The following UBQLN1 variants were observed in gnomAD, a reference collection of about 807,000 sequenced individuals.
The protein encoded by UBQLN1 is ubiquilin-1.
In UBQLN1, 13 loss-of-function variants were observed where a neutral mutation model predicts 65.4. The observed-to-expected ratio is 0.20, with a 90% CI of 0.13 to 0.32. UBQLN1 has a LOEUF of 0.32. Among genes scored for constraint, UBQLN1 ranks in the 10% least tolerant of loss-of-function variants. UBQLN1 has a pLI of 1.00. For synonymous variants in UBQLN1, 267 were observed against 247.8 expected (o/e 1.08, Z -0.73); for missense variants, 561 against 724.0 (o/e 0.77, Z 2.58).
At position 83,665,004 on chromosome 9, in the gene UBQLN1, T is replaced by C. The variant is rs369917856; in HGVS notation, c.1448+26A>G. Reference sequence around the variant, plus strand: ...CAGAGAAAGTAACCATTATACACTTTCATTATCTTCCCCAAATAAGCCTAC... The same window carrying C: ...CAGAGAAAGTAACCATTATACACTTCCATTATCTTCCCCAAATAAGCCTAC... On this transcript the variant is annotated intron_variant, in intron 9 of 10. Transcript: ENST00000376395. 39 of 1,517,938 alleles carry C rather than the reference T, an allele frequency of 2.6e-5. No homozygotes were observed. In the African/African-American group the frequency reaches 4.6e-4, roughly 18 times the overall value. The allele number at this position is 1,517,938 out of a possible 1,614,324, so 94.0% of individuals were successfully genotyped here.
At chr9:83,681,658 C>T (rs749266662) in intron 3 of UBQLN1, among the ~76,000 whole-genome samples, 2 of 152,198 alleles carry the variant, frequency 1.3e-5, no homozygotes, top group Non-Finnish European at 2.9e-5. Context: ...CTTGAAACCA[C>T]AAAAACTTCA....
intron 1 of UBQLN1, among the ~76,000 whole-genome samples, chr9:83,699,426 C>G (rs1832274981): frequency 6.6e-6 from 1 of 152,154 alleles, no homozygotes; most frequent in South Asian, 2.1e-4. Flanking sequence ...AGTGTAACCT[C>G]CAAACTCCTG....
intron 1 of UBQLN1, among the ~76,000 whole-genome samples, chr9:83,699,740 G>A (rs1334428044): frequency 1.3e-5 from 2 of 152,058 alleles, no homozygotes; most frequent in Non-Finnish European, 2.9e-5. Flanking sequence ...CCTAATACCA[G>A]GGTAAGCAAA....
In UBQLN1 at chr9:83,663,864, A is replaced by C. The variant is rs961178756; in HGVS notation, c.1617+11T>G. 1.2e-6 allele frequency: 2 copies of C among 1,605,822 alleles called. No individual in the cohort carries two copies. Among genetic ancestry groups the C allele is most frequent in the Non-Finnish European group, 1.7e-6 (2 of 1,177,640 alleles). Reference sequence around the variant, plus strand: ...AAGGAATACAAAACTTGAATGGAAAAGAACTGATACCTGAGGATTTACTCC... The same window carrying C: ...AAGGAATACAAAACTTGAATGGAAACGAACTGATACCTGAGGATTTACTCC... On this transcript the variant is annotated intron_variant, in intron 10 of 10. Coordinates refer to ENST00000376395, the MANE Select transcript of UBQLN1 (RefSeq NM_013438.5).
intron 1 of UBQLN1, among the ~76,000 whole-genome samples, chr9:83,689,033 G>C (rs1035510231): frequency 6.6e-6 from 1 of 152,114 alleles, no homozygotes; most frequent in African/African-American, 2.4e-5. Flanking sequence ...ATCCATTTCA[G>C]AACATTTTCA....
intron 1 of UBQLN1, among the ~76,000 whole-genome samples, chr9:83,697,366 C>A (rs1371204219): frequency 6.6e-6 from 1 of 150,450 alleles, no homozygotes; most frequent in Non-Finnish European, 1.5e-5. Context: ...GTCTGGCCAA[C>A]ATAATGAAAC....
intron 7 of UBQLN1, 92 bp from the exon 8 acceptor site, chr9:83,666,525 C>A: frequency 8.1e-7 from 1 of 1,239,498 alleles, no homozygotes; most frequent in Non-Finnish European, 1.2e-6. Flanking sequence ...AGTGCCTCAG[C>A]TGGCACTTAA....
chr9:83,667,910 ATT>A (rs10541629), intron 7 of UBQLN1: 122,191 of 980,156 alleles, frequency 0.12, 8,035 homozygotes, highest in Non-Finnish European at 0.13. Flanking sequence ...TACTAGCAAC[ATT>A]TTGTTTTAGA....
intron 4 of UBQLN1, 95 bp from the exon 5 acceptor site, chr9:83,678,694 T>C: frequency 1.6e-6 from 2 of 1,263,486 alleles, no homozygotes; most frequent in Non-Finnish European, 2.2e-6. Context: ...AAACAAAGTT[T>C]ATGGGAGGCC....
In UBQLN1 at chr9:83,707,740, G is replaced by T; in HGVS notation, c.-61C>A. 2 of 1,491,550 alleles carry T rather than the reference G, an allele frequency of 1.3e-6. No individual in the cohort carries two copies. The highest frequency in any genetic ancestry group is 1.3e-5 in the South Asian group (1 of 78,846). The allele number at this position is 1,491,550 out of a possible 1,614,324, so 92.4% of individuals were successfully genotyped here. On this transcript the variant is annotated 5_prime_UTR_variant, in exon 1 of 11. Coordinates refer to ENST00000376395, the MANE Select transcript of UBQLN1 (RefSeq NM_013438.5). ...GCAGGAGGGAGCAGGCGAGCAAGGAGGAGCCAGCAGACACCAGAGCCGGCA... is the reference window on the plus strand; with the variant it reads ...GCAGGAGGGAGCAGGCGAGCAAGGATGAGCCAGCAGACACCAGAGCCGGCA...
At chr9:83,703,757 G>A (rs1832350945) in intron 1 of UBQLN1, among the ~76,000 whole-genome samples, 1 of 152,130 alleles carries the variant, frequency 6.6e-6, no homozygotes, top group Non-Finnish European at 1.5e-5. Context: ...TTGGAAAAAA[G>A]CTTAAGCTTT....
chr9:83,668,890 G>C (rs566843944), intron 7 of UBQLN1: 1 of 274,568 alleles, frequency 3.6e-6, no homozygotes, highest in Non-Finnish European at 6.4e-6. Context: ...ATCTTCAAAA[G>C]AGTGGGCATT....
rs565653573 is a variant in UBQLN1, at chr9:83,690,735, G to A, written c.181-4580C>T. ...GTCAACAGCTTGGTCAATGGAACCAGACTCTGTCTCAAAAAAAAAAACAAG... is the reference window on the plus strand; with the variant it reads ...GTCAACAGCTTGGTCAATGGAACCAAACTCTGTCTCAAAAAAAAAAACAAG... On this transcript the variant is annotated intron_variant, in intron 1 of 10. Coordinates refer to ENST00000376395, the MANE Select transcript of UBQLN1 (RefSeq NM_013438.5). Among the ~76,000 whole-genome samples, 574 of 117,982 alleles carry A rather than the reference G, an allele frequency of 4.9e-3. 1 individual carries two copies. Among genetic ancestry groups the A allele is most frequent in the Non-Finnish European group, 8.1e-3 (443 of 54,580 alleles). 77.4% of individuals were successfully genotyped at this position (117,982 alleles called of 152,430 possible).
At chr9:83,699,603 G>T (rs192214472) in intron 1 of UBQLN1, among the ~76,000 whole-genome samples, 2 of 152,296 alleles carry the variant, frequency 1.3e-5, no homozygotes, top group Admixed American at 1.3e-4. Flanking sequence ...CCTTGGCCCC[G>T]CAAAGTGTTG....
intron 1 of UBQLN1, among the ~76,000 whole-genome samples, chr9:83,702,813 TAAGGC>T (rs1832333630): frequency 6.6e-6 from 1 of 152,210 alleles, no homozygotes; most frequent in Non-Finnish European, 1.5e-5. Flanking sequence ...ATGATGACCC[TAAGGC>T]AAGTTGCCTT....
chr9:83,662,009 T>C lies in UBQLN1; in HGVS notation c.1618-70A>G. ...TCCCTGCCACACATGACTTTTAAAA[T>C]TTTTTAATTGCTTTTTTATAACATA... On this transcript the variant is annotated intron_variant, in intron 10 of 10. Transcript: ENST00000376395. 7 of 1,455,860 alleles carry C rather than the reference T, an allele frequency of 4.8e-6. No individual in the cohort carries two copies. In the South Asian group the frequency reaches 9.1e-5, roughly 19 times the overall value. The allele number at this position is 1,455,860 out of a possible 1,614,324, so 90.2% of individuals were successfully genotyped here.
intron 1 of UBQLN1, among the ~76,000 whole-genome samples, chr9:83,700,418 A>G (rs1329615216): frequency 6.6e-6 from 1 of 152,226 alleles, no homozygotes; most frequent in Non-Finnish European, 1.5e-5. Context: ...TACATAATGG[A>G]CTAGATTCAT....
At chr9:83,668,480 T>C (rs1173393623) in intron 7 of UBQLN1, 2 of 985,272 alleles carry the variant, frequency 2.0e-6, no homozygotes, top group Non-Finnish European at 2.4e-6. Flanking sequence ...AGATAGTACC[T>C]AGGCAACTTG....
At chr9:83,678,324 G>A in intron 5 of UBQLN1, 117 bp downstream of exon 5, 2 of 1,329,704 alleles carry the variant, frequency 1.5e-6, no homozygotes, top group Non-Finnish European at 2.0e-6. Context: ...CCCGGCCACT[G>A]AACTTTTTAA....
Sources: allele counts gnomAD v4.1 joint callset (sites outside exome capture counted in the v4.1 genomes callset), GRCh38; gene constraint gnomAD v4.1.1; transcripts MANE v1.5; gene names NCBI Gene and HGNC (gene_info 2026-07-23, HGNC 2026-07-21).